The following SEL1L2 variants were observed in gnomAD, a reference collection of about 807,000 sequenced individuals.
SEL1L2 encodes the protein protein sel-1 homolog 2.
SEL1L2 carries 89 observed loss-of-function variants against 98.8 expected under a neutral mutation model. The observed-to-expected ratio is 0.90, with a 90% CI of 0.76 to 1.07. The LOEUF (loss-of-function observed/expected upper bound fraction) is 1.07. SEL1L2 is among the 50% of genes least tolerant of loss of function. The pLI is 0.00. For missense variants in SEL1L2, 788 were observed against 812.0 expected (o/e 0.97, Z 0.36); for synonymous variants, 262 against 278.5 (o/e 0.94, Z 0.59).
intron 5 of SEL1L2, among the ~76,000 whole-genome samples, chr20:13,896,738 C>A (rs2047444308): frequency 6.6e-6 from 1 of 152,076 alleles, no homozygotes; most frequent in Non-Finnish European, 1.5e-5. Context: ...CACTACAAAA[C>A]ATTGCTGAAA....
chr20:13,920,492 A>G (rs2048611273), intron 3 of SEL1L2, among the ~76,000 whole-genome samples: 1 of 152,156 alleles, frequency 6.6e-6, no homozygotes, highest in Admixed American at 6.5e-5. Flanking sequence ...TGGTTGTGGG[A>G]AGAGTCACAC....
At chr20:13,905,624 C>G (rs2047893164) in intron 5 of SEL1L2, among the ~76,000 whole-genome samples, 1 of 151,856 alleles carries the variant, frequency 6.6e-6, no homozygotes, top group Admixed American at 6.6e-5. Flanking sequence ...TGTCCTATAC[C>G]TTAATACTTG....
chr20:13,905,871 CTTTTTTTTT>C (rs903449859), intron 5 of SEL1L2, among the ~76,000 whole-genome samples: 2 of 123,764 alleles, frequency 1.6e-5, no homozygotes, highest in African/African-American at 3.0e-5. Flanking sequence ...TTTTCTTTTC[CTTTTTTTTT>C]TTTTTTTTTT....
intron 2 of SEL1L2, among the ~76,000 whole-genome samples, chr20:13,954,292 A>G (rs2050415284): frequency 1.3e-5 from 2 of 152,196 alleles, no homozygotes; most frequent in African/African-American, 4.8e-5. Context: ...TCAGCCAAAT[A>G]GTATCCTGCT....
chr20:13,978,584 A>G (rs1000718501), intron 1 of SEL1L2, among the ~76,000 whole-genome samples: 1 of 152,214 alleles, frequency 6.6e-6, no homozygotes, highest in African/African-American at 2.4e-5. Flanking sequence ...AAAGGAAATC[A>G]GTATACTGAA....
In SEL1L2 at chr20:13,983,625, G is replaced by A. The variant is rs1020126080; in HGVS notation, c.58+6852C>T. On this transcript the variant is annotated intron_variant, in intron 1 of 19. Transcript: ENST00000284951. ...AACCCTCTGCCTCCCAAGTTCAAGC[G>A]ATTCTCCCGCCTCAGCCTCTGGAGT... is the stretch of plus-strand genomic sequence containing the variant. Among the ~76,000 whole-genome samples the A allele has an allele frequency of 5.3e-4, 80 of 151,892 alleles. 1 individual carries two copies. Among genetic ancestry groups the A allele is most frequent in the African/African-American group, 1.8e-3 (76 of 41,354 alleles).
chr20:13,901,776 C>T (rs886448974), intron 5 of SEL1L2, among the ~76,000 whole-genome samples: 5 of 151,940 alleles, frequency 3.3e-5, no homozygotes, highest in African/African-American at 1.2e-4. Flanking sequence ...ATTCTCCTGC[C>T]TCAGCCTCCG....
chr20:13,907,683 T>C (rs2047995094), intron 5 of SEL1L2, among the ~76,000 whole-genome samples: 3 of 146,638 alleles, frequency 2.0e-5, no homozygotes. Flanking sequence ...TCTCTTTTTC[T>C]CTTTCTTTCT....
intron 2 of SEL1L2, 36 bp downstream of exon 2, chr20:13,956,040 C>A (rs1425923479): frequency 1.6e-6 from 2 of 1,259,498 alleles, no homozygotes; most frequent in Non-Finnish European, 2.3e-6. Context: ...CCTAAATTTT[C>A]TATTAAAAAA....
At chr20:13,855,184 G>C (rs1988955522) in intron 18 of SEL1L2, among the ~76,000 whole-genome samples, 1 of 152,066 alleles carries the variant, frequency 6.6e-6, no homozygotes, top group Admixed American at 6.6e-5. Context: ...TCCAGCAAAA[G>C]GATGATATCT....
chr20:13,946,684 C>T (rs900750791), intron 2 of SEL1L2, among the ~76,000 whole-genome samples: 2 of 152,230 alleles, frequency 1.3e-5, no homozygotes, highest in African/African-American at 2.4e-5. Context: ...CAGCTGTAGC[C>T]GCCCAGCTGC....
At chr20:13,919,287 G>C (rs967965676) in intron 3 of SEL1L2, among the ~76,000 whole-genome samples, 164 bp from the exon 4 acceptor site, 3 of 152,206 alleles carry the variant, frequency 2.0e-5, no homozygotes, top group African/African-American at 7.2e-5. Context: ...TAGCTGAGGA[G>C]CGTCGGTAGG....
At chr20:13,919,753 C>T (rs1253416969) in intron 3 of SEL1L2, among the ~76,000 whole-genome samples, 1 of 151,974 alleles carries the variant, frequency 6.6e-6, no homozygotes, top group East Asian at 1.9e-4. Flanking sequence ...TGGTGAAACC[C>T]TGTCTCTACT....
At chr20:13,927,092 T>C (rs1042364562) in intron 3 of SEL1L2, among the ~76,000 whole-genome samples, 1 of 152,196 alleles carries the variant, frequency 6.6e-6, no homozygotes, top group Non-Finnish European at 1.5e-5. Context: ...GTTATGGTGT[T>C]AAAATACCCT....
chr20:13,981,494 G>A (rs1301510343), intron 1 of SEL1L2, among the ~76,000 whole-genome samples: 2 of 152,140 alleles, frequency 1.3e-5, no homozygotes, highest in African/African-American at 4.8e-5. Context: ...GGATGGATAT[G>A]TTAATTAGTC....
intron 1 of SEL1L2, among the ~76,000 whole-genome samples, chr20:13,981,743 C>T (rs2051842014): frequency 6.6e-6 from 1 of 152,184 alleles, no homozygotes; most frequent in African/African-American, 2.4e-5. Flanking sequence ...GTCATCAGTC[C>T]TGTCATAACA....
At chr20:13,866,340 T>C (rs1424940544) in intron 15 of SEL1L2, among the ~76,000 whole-genome samples, 1 of 152,218 alleles carries the variant, frequency 6.6e-6, no homozygotes, top group Non-Finnish European at 1.5e-5. Context: ...CTACATTTTC[T>C]AGGCTAAATC....
intron 1 of SEL1L2, among the ~76,000 whole-genome samples, chr20:13,958,932 A>AG (rs546274725): frequency 0.064 from 9,666 of 151,528 alleles, 365 homozygotes; most frequent in Non-Finnish European, 0.073. Flanking sequence ...CAAAAAAAAA[A>AG]AAAAAAAGTT....
intron 5 of SEL1L2, among the ~76,000 whole-genome samples, chr20:13,888,971 T>G (rs1233106311): frequency 6.7e-6 from 1 of 148,896 alleles, no homozygotes; most frequent in African/African-American, 2.5e-5. Flanking sequence ...CTTTTTTTTT[T>G]TTTTGAGACG....
Sources: gnomAD v4.1 joint callset for allele counts (sites outside exome capture counted in the v4.1 genomes callset) on GRCh38, gnomAD v4.1.1 for gene constraint, MANE v1.5 for transcripts, NCBI Gene and HGNC (gene_info 2026-07-23, HGNC 2026-07-21) for gene names.